The following NAPA variants were observed in gnomAD, a reference collection of about 807,000 sequenced individuals.
The protein encoded by NAPA is NSF attachment protein alpha.
In NAPA, 18 loss-of-function variants were observed where a neutral mutation model predicts 48.0. The ratio of observed to expected loss-of-function variants is 0.38; its 90% CI spans 0.26 to 0.56. NAPA has a LOEUF of 0.56. NAPA is among the 20% of genes least tolerant of loss of function. The pLI is 0.77. For synonymous variants in NAPA, 152 were observed against 149.9 expected, an observed-to-expected ratio of 1.01 and a Z score of -0.10; for missense variants, 315 against 385.0, an observed-to-expected ratio of 0.82 and a Z score of 1.52.
intron 2 of NAPA, among the ~76,000 whole-genome samples, chr19:47,502,237 C>CAAA (rs55762206): frequency 3.5e-4 from 22 of 62,458 alleles, no homozygotes; most frequent in African/African-American, 1.4e-3. Flanking sequence ...AAGACTGTCT[C>CAAA]AAAAAAAAAA....
At chr19:47,492,404 C>G (rs1368267654) in intron 7 of NAPA, 7 of 459,404 alleles carry the variant, frequency 1.5e-5, no homozygotes, top group African/African-American at 9.9e-5. Flanking sequence ...AAGGAGGCAG[C>G]CTGGCTGTCA....
chr19:47,505,665 G>C (rs1450343835), intron 1 of NAPA: 1 of 152,258 alleles, frequency 6.6e-6, no homozygotes, highest in Non-Finnish European at 1.5e-5. Context: ...CCAGCGATCA[G>C]ATCAGCGGCC....
intron 1 of NAPA, among the ~76,000 whole-genome samples, chr19:47,510,118 GCA>G: frequency 6.6e-6 from 1 of 152,314 alleles, no homozygotes; most frequent in Admixed American, 6.5e-5. Flanking sequence ...TTGGCAGCTG[GCA>G]GGGCACTGTG....
rs369515424 is a variant in NAPA, at chr19:47,508,350, C to T, written c.99-4848G>A. Among the ~76,000 whole-genome samples the T allele has an allele frequency of 7.9e-5, 12 of 152,336 alleles. No homozygotes were observed. The South Asian group carries it at 2.3e-3, about 29-fold the overall frequency. On this transcript the variant is annotated intron_variant, in intron 1 of 10. Coordinates refer to ENST00000263354, the MANE Select transcript of NAPA (RefSeq NM_003827.4). Reference sequence around the variant, plus strand: ...CACCGCCACCAGTATCACCTGGAAGCGGGAAACCACCAGCTGCCTCCCGCC... The same window carrying T: ...CACCGCCACCAGTATCACCTGGAAGTGGGAAACCACCAGCTGCCTCCCGCC...
At chr19:47,507,453 ACCCACCACC>A in intron 1 of NAPA, among the ~76,000 whole-genome samples, 1 of 152,070 alleles carries the variant, frequency 6.6e-6, no homozygotes, top group Non-Finnish European at 1.5e-5. Context: ...ATGCCCTGAG[ACCCACCACC>A]TGCAGCTCCC....
chr19:47,502,655 T>G (rs1310535014), intron 2 of NAPA, among the ~76,000 whole-genome samples: 1 of 152,186 alleles, frequency 6.6e-6, no homozygotes, highest in East Asian at 1.9e-4. Context: ...TTTCCTTAAT[T>G]CAATCTTGGT....
rs922343932 is a variant in NAPA at position 47,493,489 on chromosome 19, C to T, written c.347G>A (p.Arg116Gln). The T allele has an allele frequency of 8.1e-6, 13 of 1,613,756 alleles. No individual in the cohort carries two copies. The highest frequency in any genetic ancestry group is 9.3e-6 in the Non-Finnish European group (11 of 1,179,980). Residue 116 changes from arginine (R) to glutamine (Q), a missense_variant, in exon 5 of 11, where the codon CGA becomes CAA. Arg to Gln is a conservative substitution (Grantham distance 43, BLOSUM62 1). This residue lies in a region of NAPA where 173 missense variants were observed against 213.5 expected (regional missense o/e 0.81). Transcript: ENST00000263354. The surrounding 1 kb of genome is among the most constrained non-coding windows in gnomAD (Gnocchi z 6.4). ...GTGGTGCTTGGCCGCAATCGTGAATCGGCCCTGGAGGGGACACAGGAAGGG... is the reference window on the plus strand; with the variant it reads ...GTGGTGCTTGGCCGCAATCGTGAATTGGCCCTGGAGGGGACACAGGAAGGG... ...RAIEIYTDMG[R>Q]FTIAAKHHIS...
At chr19:47,508,104 G>A (rs970636456) in intron 1 of NAPA, among the ~76,000 whole-genome samples, 1 of 152,152 alleles carries the variant, frequency 6.6e-6, no homozygotes, top group Admixed American at 6.5e-5. Flanking sequence ...GCTCTCTGCT[G>A]GGGCTGCGTG....
chr19:47,499,770 T>TCA (rs1968526167), intron 3 of NAPA, among the ~76,000 whole-genome samples: 1 of 152,260 alleles, frequency 6.6e-6, no homozygotes, highest in Non-Finnish European at 1.5e-5. Flanking sequence ...TGCTCACTGA[T>TCA]CCATGGAGGA....
At chr19:47,490,223 GGTGT>G (rs1482173585) in intron 9 of NAPA, among the ~76,000 whole-genome samples, 1 of 146,894 alleles carries the variant, frequency 6.8e-6, no homozygotes, top group Non-Finnish European at 1.5e-5. Flanking sequence ...TGTCATGTGT[GGTGT>G]GTGTGCAGTG....
In NAPA at chr19:47,495,710, C is replaced by T. The variant is rs916102385; in HGVS notation, c.296-114G>A. On this transcript the variant is annotated intron_variant, in intron 3 of 10. Transcript: ENST00000263354. ...GGCTGCCAGCAGAGAGATCAATAGGCGCTCAGAGCTGCCAGCGCTGCCACA... is the reference window on the plus strand; with the variant it reads ...GGCTGCCAGCAGAGAGATCAATAGGTGCTCAGAGCTGCCAGCGCTGCCACA... 22 of 940,060 alleles carry T rather than the reference C, an allele frequency of 2.3e-5. No individual in the cohort carries two copies. The Middle Eastern group carries it at 8.8e-4, about 38-fold the overall frequency. 58.2% of individuals were successfully genotyped at this position (940,060 alleles called of 1,614,324 possible).
At position 47,492,053 on chromosome 19, in the gene NAPA, C is replaced by T; in HGVS notation, c.628G>A (p.Ala210Thr). Residue 210 changes from alanine (A) to threonine (T), a missense_variant, in exon 8 of 11, where the codon GCC becomes ACC. By Grantham distance (58) the Ala-to-Thr change is moderately conservative. Transcript: ENST00000263354. ...ATGTCGATGCAGAAGTGGCAGAGGGCCGCCTTGAAGAAGTAGTCTTTGGCG... is the reference window on the plus strand; with the variant it reads ...ATGTCGATGCAGAAGTGGCAGAGGGTCGCCTTGAAGAAGTAGTCTTTGGCG... Reference protein sequence around the residue: ...YSAKDYFFKAALCHFCIDMLN... With the variant: ...YSAKDYFFKATLCHFCIDMLN... 1 of 1,614,064 alleles carries T rather than the reference C, an allele frequency of 6.2e-7. No individual in the cohort carries two copies. The highest frequency in any genetic ancestry group is 8.5e-7 in the Non-Finnish European group (1 of 1,179,964).
In NAPA at chr19:47,493,589, C is replaced by A. The variant is rs1269158379; in HGVS notation, c.343-96G>T. ...CCTTCAAGTTCCCACCCCTCAGCCA[C>A]GCCTGTGAGGAGGTATGAAGAAGAC... is the stretch of plus-strand genomic sequence containing the variant. On this transcript the variant is annotated intron_variant, in intron 4 of 10. Coordinates refer to ENST00000263354, the MANE Select transcript of NAPA (RefSeq NM_003827.4). The surrounding 1 kb of genome is among the most constrained non-coding windows in gnomAD (Gnocchi z 6.4). 1.1e-5 allele frequency: 11 copies of A among 1,026,922 alleles called. No individual in the cohort carries two copies. The highest frequency in any genetic ancestry group is 1.6e-5 in the African/African-American group (1 of 63,810). 63.6% of individuals were successfully genotyped at this position (1,026,922 alleles called of 1,614,324 possible).
chr19:47,514,981 CCTGGGAAGA>C lies in NAPA; in HGVS notation c.-50_-42del, dbSNP rs1436281114. On this transcript the variant is annotated 5_prime_UTR_variant, in exon 1 of 11. Transcript: ENST00000263354. ...ACTCAGCAAAGCGCCTGACCCTGACCCTGGGAAGACTCAGCCGCGGCCGGGCCGCGGAAC... is the reference window on the plus strand; with the variant it reads ...ACTCAGCAAAGCGCCTGACCCTGACCCTCAGCCGCGGCCGGGCCGCGGAAC... 6.3e-7 allele frequency: 1 copy of C among 1,589,006 alleles called. No homozygotes were observed. Among genetic ancestry groups the C allele is most frequent in the East Asian group, 2.3e-5 (1 of 44,218 alleles).
intron 9 of NAPA, 88 bp downstream of exon 9, chr19:47,490,700 G>A (rs1300848490): frequency 1.4e-5 from 15 of 1,091,726 alleles, no homozygotes; most frequent in East Asian, 2.8e-5. Context: ...AGAACTACTG[G>A]ACAAGTCTTG....
intron 1 of NAPA, among the ~76,000 whole-genome samples, chr19:47,507,665 G>T (rs542232351): frequency 5.9e-5 from 9 of 152,196 alleles, no homozygotes; most frequent in African/African-American, 2.2e-4. Context: ...TCACATGCCT[G>T]TGTCTTCCCT....
At chr19:47,501,220 G>A (rs907640679) in intron 2 of NAPA, among the ~76,000 whole-genome samples, 5 of 152,164 alleles carry the variant, frequency 3.3e-5, no homozygotes, top group African/African-American at 1.2e-4. Context: ...CCTCCCCAGG[G>A]GAGCCTCGAA....
chr19:47,494,687 G>A (rs1968369528), intron 4 of NAPA, among the ~76,000 whole-genome samples: 1 of 139,776 alleles, frequency 7.2e-6, no homozygotes, highest in Admixed American at 7.9e-5. Context: ...GCAGTGAGTG[G>A]AGATCACGCC....
intron 3 of NAPA, 48 bp downstream of exon 3, chr19:47,500,585 G>C: frequency 6.0e-6 from 9 of 1,500,270 alleles, no homozygotes; most frequent in Non-Finnish European, 8.2e-6. Context: ...CAGGGTGCTA[G>C]GATGGCGCTC....
Sources: allele counts gnomAD v4.1 joint callset (sites outside exome capture counted in the v4.1 genomes callset), GRCh38; gene constraint gnomAD v4.1.1; regional missense constraint gnomAD v4.1.1; non-coding constraint Gnocchi (gnomAD v3.1); transcripts MANE v1.5; gene names NCBI Gene and HGNC (gene_info 2026-07-23, HGNC 2026-07-21).